The following TSHZ3 variants were observed in gnomAD, a reference collection of about 807,000 sequenced individuals.
TSHZ3 encodes teashirt homolog 3.
TSHZ3 carries 10 observed loss-of-function variants against 64.5 expected under a neutral mutation model. The observed-to-expected ratio is 0.16, with a 90% CI of 0.10 to 0.26. The LOEUF (loss-of-function observed/expected upper bound fraction) is 0.26, where lower values mean the gene tolerates loss of function less well. Ranked by LOEUF, TSHZ3 falls within the 10% of genes least tolerant of loss-of-function variation. TSHZ3 has a pLI of 1.00. For missense variants in TSHZ3, 1,242 were observed against 1,421.7 expected (o/e 0.87, Z 2.03); for synonymous variants, 608 against 593.1 (o/e 1.03, Z -0.36).
intron 5 of TSHZ3, among the ~76,000 whole-genome samples, chr19:31,191,007 T>A: frequency 6.6e-6 from 1 of 152,118 alleles, no homozygotes; most frequent in East Asian, 1.9e-4. Context: ...CTATCCCACC[T>A]GAAGCAGTAA....
At chr19:31,186,138 A>G (rs537987251) in intron 5 of TSHZ3, among the ~76,000 whole-genome samples, 1 of 152,196 alleles carries the variant, frequency 6.6e-6, no homozygotes, top group African/African-American at 2.4e-5. Context: ...CCGTTCTTGT[A>G]CAAGTCTTTT....
At chr19:31,305,334 C>T (rs551986800) in intron 1 of TSHZ3, among the ~76,000 whole-genome samples, 3 of 150,632 alleles carry the variant, frequency 2.0e-5, no homozygotes, top group South Asian at 2.1e-4. Flanking sequence ...AAAAAAAAGC[C>T]GCGTGTCAGT....
chr19:31,325,240 C>CTT (rs1330441993), intron 1 of TSHZ3, among the ~76,000 whole-genome samples: 2 of 152,204 alleles, frequency 1.3e-5, no homozygotes, highest in Non-Finnish European at 2.9e-5. Flanking sequence ...ACCCTCAGTG[C>CTT]TTTCACTGGT....
At chr19:31,207,605 A>G (rs1360679341) in intron 4 of TSHZ3, 1 of 152,328 alleles carries the variant, frequency 6.6e-6, no homozygotes. Flanking sequence ...GAGAACTAAC[A>G]TGTCTAATAT....
chr19:31,177,822 A>G (rs1974635121), intron 5 of TSHZ3, among the ~76,000 whole-genome samples: 1 of 152,218 alleles, frequency 6.6e-6, no homozygotes, highest in African/African-American at 2.4e-5. Context: ...ACAAGGTGCT[A>G]TCATTGCCCC....
At chr19:31,160,933 G>A (rs16965108) in intron 5 of TSHZ3, among the ~76,000 whole-genome samples, 3,992 of 152,124 alleles carry the variant, frequency 0.026, 157 homozygotes, top group African/African-American at 0.088. Flanking sequence ...GTATGTCTGT[G>A]TGCACATGTA....
intron 1 of TSHZ3, among the ~76,000 whole-genome samples, chr19:31,281,788 G>A (rs928736347): frequency 1.5e-4 from 23 of 152,204 alleles, no homozygotes; most frequent in African/African-American, 4.6e-4. Context: ...CCTGCCCCCC[G>A]ACAGACTTCC....
At chr19:31,265,033 C>T (rs958488055) in intron 1 of TSHZ3, among the ~76,000 whole-genome samples, 7 of 152,156 alleles carry the variant, frequency 4.6e-5, no homozygotes, top group Admixed American at 2.6e-4. Flanking sequence ...CCACCCTGTA[C>T]ACTTCTGGCC....
intron 1 of TSHZ3, among the ~76,000 whole-genome samples, chr19:31,342,354 C>G (rs1426893354): frequency 6.6e-6 from 1 of 152,160 alleles, no homozygotes; most frequent in Non-Finnish European, 1.5e-5. Flanking sequence ...TGAACTCATG[C>G]TTTTTGCTTA....
chr19:31,296,963 T>A (rs1204891298), intron 1 of TSHZ3, among the ~76,000 whole-genome samples: 2 of 152,160 alleles, frequency 1.3e-5, no homozygotes, highest in African/African-American at 4.8e-5. Flanking sequence ...CAACAAACTA[T>A]GGGAAAACAG....
intron 4 of TSHZ3, among the ~76,000 whole-genome samples, chr19:31,205,291 GT>G (rs1463379066): frequency 2.0e-5 from 3 of 152,206 alleles, no homozygotes; most frequent in African/African-American, 7.2e-5. Context: ...ATCTACAGGT[GT>G]GAAAACCAAG....
chr19:31,208,188 A>T (rs1170706921), intron 4 of TSHZ3, among the ~76,000 whole-genome samples: 2 of 152,230 alleles, frequency 1.3e-5, no homozygotes, highest in Non-Finnish European at 2.9e-5. Flanking sequence ...TGAGGAGGAT[A>T]TGAATTGGTT....
At chr19:31,303,309 G>A (rs1439006479) in intron 1 of TSHZ3, among the ~76,000 whole-genome samples, 1 of 152,184 alleles carries the variant, frequency 6.6e-6, no homozygotes, top group East Asian at 1.9e-4. Flanking sequence ...TCTCCACTAC[G>A]CTAAGGAATA....
intron 1 of TSHZ3, among the ~76,000 whole-genome samples, chr19:31,257,073 G>A (rs1975920424): frequency 6.6e-6 from 1 of 152,122 alleles, no homozygotes; most frequent in East Asian, 1.9e-4. Context: ...TCCAGGGCGG[G>A]TGCTCCAGAA....
At chr19:31,345,056 T>C (rs1300253707) in intron 1 of TSHZ3, among the ~76,000 whole-genome samples, 1 of 152,210 alleles carries the variant, frequency 6.6e-6, no homozygotes, top group Non-Finnish European at 1.5e-5. Context: ...GCACCGCAGC[T>C]GATTCTGGAA....
At chr19:31,334,690 C>A (rs1032996305) in intron 1 of TSHZ3, among the ~76,000 whole-genome samples, 1 of 152,136 alleles carries the variant, frequency 6.6e-6, no homozygotes, top group African/African-American at 2.4e-5. Context: ...ATAGAACACT[C>A]AAATATCAAG....
chr19:31,279,853 C>T lies in TSHZ3; in HGVS notation c.41-101G>A, dbSNP rs915891745. 3 of 1,090,268 alleles carry T rather than the reference C, an allele frequency of 2.8e-6. No individual in the cohort carries two copies. The highest frequency in any genetic ancestry group is 3.7e-6 in the Non-Finnish European group (3 of 809,718). The allele number at this position is 1,090,268 out of a possible 1,614,324, so 67.5% of individuals were successfully genotyped here. A position where few individuals can be genotyped will look rare whatever the true frequency, so the allele number is the denominator to read the frequency against. ...AAAAAAAGCATTAGTACTTGTTGAT[C>T]TTACCTAGAATATGTTCTGGGCTCT... On this transcript the variant is annotated intron_variant, in intron 1 of 1. Coordinates refer to ENST00000240587, the MANE Select transcript of TSHZ3 (RefSeq NM_020856.4). The surrounding 1 kb of genome is among the most constrained non-coding windows in gnomAD (Gnocchi z 6.4).
At chr19:31,189,686 TA>T (rs931879916) in intron 5 of TSHZ3, among the ~76,000 whole-genome samples, 1 of 151,746 alleles carries the variant, frequency 6.6e-6, no homozygotes, top group African/African-American at 2.4e-5. Flanking sequence ...CCAGATGCAC[TA>T]AAAAAAATGT....
At chr19:31,263,539 C>A (rs556494231) in intron 1 of TSHZ3, among the ~76,000 whole-genome samples, 1 of 152,214 alleles carries the variant, frequency 6.6e-6, no homozygotes, top group South Asian at 2.1e-4. Flanking sequence ...CAGGGCAAGA[C>A]GTGCCCTGTG....
Sources: gnomAD v4.1 joint callset for allele counts (sites outside exome capture counted in the v4.1 genomes callset) on GRCh38, gnomAD v4.1.1 for gene constraint, Gnocchi (gnomAD v3.1) non-coding constraint, MANE v1.5 for transcripts, NCBI Gene and HGNC (gene_info 2026-07-23, HGNC 2026-07-21) for gene names.